CNTN5: variants seen among roughly 807,000 people sequenced by gnomAD.
The protein encoded by CNTN5 is contactin 5.
Under a neutral mutation model 129.1 loss-of-function variants are expected in CNTN5, and 77 were observed. The ratio of observed to expected loss-of-function variants is 0.60; its 90% confidence interval spans 0.50 to 0.72. The LOEUF is 0.72. Among genes scored for constraint, CNTN5 ranks in the 30% least tolerant of loss-of-function variants. The probability of loss-of-function intolerance (pLI) is 0.00; values close to 1 mark genes in which losing one functional copy is unlikely to be tolerated. For synonymous variants in CNTN5, 509 were observed against 465.6 expected, an observed-to-expected ratio of 1.09 and a Z score of -1.20; for missense variants, 1,478 against 1,328.8, an observed-to-expected ratio of 1.11 and a Z score of -1.75.
At position 100,163,722 on chromosome 11, in the gene CNTN5, G is replaced by C. The variant is rs78103809; in HGVS notation, c.1581-27404G>C. Among the ~76,000 whole-genome samples, 956 of 151,714 alleles carry C rather than the reference G, an allele frequency of 6.3e-3. 7 individuals carry two copies. The highest frequency in any genetic ancestry group is 0.022 in the African/African-American group (897 of 41,434). The stretch of plus-strand genomic sequence containing the variant: ...TTCTAACCAAATAATCTCTTCTCCA[G>C]CCCACTGATTATTTCATTTCCTCTG... On this transcript the variant is annotated intron_variant, in intron 13 of 24. Coordinates refer to ENST00000524871, the MANE Select transcript of CNTN5 (RefSeq NM_014361.4).
At chr11:99,900,779 A>C (rs1441523864) in intron 6 of CNTN5, among the ~76,000 whole-genome samples, 1 of 152,102 alleles carries the variant, frequency 6.6e-6, no homozygotes, top group East Asian at 1.9e-4. Flanking sequence ...ATATTGATAC[A>C]TGATGTTTTG....
chr11:100,139,203 T>C (rs1338713276), intron 13 of CNTN5, among the ~76,000 whole-genome samples: 1 of 152,138 alleles, frequency 6.6e-6, no homozygotes, highest in East Asian at 1.9e-4. Context: ...GGCAGAGATA[T>C]GGCATAATCA....
intron 2 of CNTN5, among the ~76,000 whole-genome samples, chr11:99,369,292 G>A (rs1156739400): frequency 9.2e-6 from 1 of 108,336 alleles, no homozygotes; most frequent in Non-Finnish European, 2.1e-5. Flanking sequence ...ATGCTCTAAA[G>A]TAGATATACA....
intron 2 of CNTN5, among the ~76,000 whole-genome samples, chr11:99,443,876 T>A (rs903679475): frequency 5.3e-5 from 8 of 152,206 alleles, no homozygotes; most frequent in African/African-American, 1.9e-4. Flanking sequence ...TATTTTTGAA[T>A]CTTTTCTATT....
chr11:99,681,126 A>G (rs755658023), intron 3 of CNTN5, among the ~76,000 whole-genome samples: 3 of 152,098 alleles, frequency 2.0e-5, no homozygotes. Flanking sequence ...GTTGCTTATT[A>G]TTGGTGAGAA....
chr11:99,967,170 C>G (rs1229114484), intron 8 of CNTN5, among the ~76,000 whole-genome samples: 1 of 152,072 alleles, frequency 6.6e-6, no homozygotes, highest in Non-Finnish European at 1.5e-5. Context: ...GCACTTCAGT[C>G]CAGATTAACT....
intron 3 of CNTN5, among the ~76,000 whole-genome samples, chr11:99,711,535 G>C (rs1328310161): frequency 6.6e-6 from 1 of 151,726 alleles, no homozygotes; most frequent in African/African-American, 2.4e-5. Flanking sequence ...ATAATGTGCA[G>C]GTTCGTTACA....
chr11:100,070,620 AAACT>A, intron 11 of CNTN5, 60 bp downstream of exon 11: 1 of 1,530,142 alleles, frequency 6.5e-7, no homozygotes. Flanking sequence ...CACACAGGAC[AAACT>A]AGGCTTCTTT....
At chr11:100,308,905 T>A (rs1951412320) in intron 21 of CNTN5, 1 of 980,994 alleles carries the variant, frequency 1.0e-6, no homozygotes, top group South Asian at 4.7e-5. Flanking sequence ...CTGTATTGTA[T>A]CTATGTATTC....
At position 99,275,987 on chromosome 11, in the gene CNTN5, T is replaced by C. The variant is rs1040661803; in HGVS notation, c.-209-49359T>C. On this transcript the variant is annotated intron_variant, in intron 1 of 24. Coordinates refer to ENST00000524871, the MANE Select transcript of CNTN5 (RefSeq NM_014361.4). ...AAATCTACCACAGGCAGATCTTCTC[T>C]ATACTCTTCTCTGCCCCACTCTTTT... Among the ~76,000 whole-genome samples the C allele has an allele frequency of 2.0e-5, 3 of 151,658 alleles. No individual in the cohort carries two copies. In the Admixed American group the frequency reaches 2.0e-4, roughly 10 times the overall value.
intron 3 of CNTN5, among the ~76,000 whole-genome samples, chr11:99,613,363 G>C (rs1049387321): frequency 1.3e-5 from 2 of 152,124 alleles, no homozygotes; most frequent in South Asian, 4.1e-4. Context: ...TGGGGAGAAG[G>C]GTCCTTGCTT....
At chr11:99,990,451 TATATACAC>T (rs1484216259) in intron 8 of CNTN5, among the ~76,000 whole-genome samples, 75 of 99,542 alleles carry the variant, frequency 7.5e-4, no homozygotes, top group Admixed American at 1.7e-3. Context: ...AGAATATATA[TATATACAC>T]ACACACACAC....
At chr11:100,124,062 C>A (rs2138177216) in intron 13 of CNTN5, among the ~76,000 whole-genome samples, 1 of 152,150 alleles carries the variant, frequency 6.6e-6, no homozygotes, top group East Asian at 1.9e-4. Flanking sequence ...GTTTACCATG[C>A]ACCAGGTACT....
intron 7 of CNTN5, among the ~76,000 whole-genome samples, chr11:99,928,604 G>A (rs1278725843): frequency 6.6e-6 from 1 of 152,196 alleles, no homozygotes; most frequent in Non-Finnish European, 1.5e-5. Context: ...GCCCCTTTTA[G>A]CCACAGCTGG....
At chr11:100,235,058 T>A (rs1023511255) in intron 16 of CNTN5, among the ~76,000 whole-genome samples, 1 of 152,154 alleles carries the variant, frequency 6.6e-6, no homozygotes, top group Non-Finnish European at 1.5e-5. Flanking sequence ...CCAAGTGTCA[T>A]GAAAACAAAA....
intron 18 of CNTN5, among the ~76,000 whole-genome samples, chr11:100,293,730 C>G (rs1951044656): frequency 6.6e-6 from 1 of 151,736 alleles, no homozygotes. Flanking sequence ...ATCTTTCTTA[C>G]TCCCACTTCT....
chr11:99,166,643 T>G (rs2135528443), intron 1 of CNTN5, among the ~76,000 whole-genome samples: 1 of 152,202 alleles, frequency 6.6e-6, no homozygotes, highest in Middle Eastern at 3.4e-3. Flanking sequence ...TTGAAAATCA[T>G]CAACTTACAC....
In CNTN5 at chr11:99,417,160, C is replaced by T. The variant is rs1449925620; in HGVS notation, c.-71+91676C>T. 2.0e-5 allele frequency among the ~76,000 whole-genome samples: 3 copies of T among 152,138 alleles called. No homozygotes were observed. In the East Asian group the frequency reaches 5.8e-4, roughly 29 times the overall value. On this transcript the variant is annotated intron_variant, in intron 2 of 24. Transcript: ENST00000524871. ...GTTAAAAAAACCCAACTTGGTCTAACTTGTCAAATAGCAGCGTGAATACAT... is the reference window on the plus strand; with the variant it reads ...GTTAAAAAAACCCAACTTGGTCTAATTTGTCAAATAGCAGCGTGAATACAT...
chr11:99,151,745 C>T (rs1860067282), intron 1 of CNTN5, among the ~76,000 whole-genome samples: 1 of 152,114 alleles, frequency 6.6e-6, no homozygotes. Flanking sequence ...GAGTTCATGT[C>T]CTTTGCAGGG....
Sources: gnomAD v4.1 joint callset for allele counts (sites outside exome capture counted in the v4.1 genomes callset) on GRCh38, gnomAD v4.1.1 for gene constraint, MANE v1.5 for transcripts, NCBI Gene and HGNC (gene_info 2026-07-23, HGNC 2026-07-21) for gene names.